Variants in RPA2 observed in about 807,000 individuals in gnomAD.
RPA2 encodes replication protein A2.
A neutral mutation model predicts 33.4 loss-of-function variants in RPA2; 22 were observed. The ratio of observed to expected loss-of-function variants is 0.66; its 90% CI spans 0.47 to 0.94. The LOEUF is 0.94. Among genes scored for constraint, RPA2 ranks in the 40% least tolerant of loss-of-function variants. The pLI, the probability that RPA2 is intolerant of heterozygous loss-of-function variation, is 0.00. For synonymous variants in RPA2, 109 were observed against 114.9 expected (o/e 0.95, Z 0.33); for missense variants, 279 against 329.9 (o/e 0.85, Z 1.19).
rs777645971 is a variant in RPA2 at position 27,896,997 on chromosome 1, C to A, written c.525+8G>T. On this transcript the variant is annotated splice_region_variant and intron_variant, in intron 6 of 8. Transcript: ENST00000373912. ...AAGAGAAAAAGCTAGGAAAGCGAGA[C>A]TACTCACCTGGCTGTTGGCTTTGCT... is the stretch of plus-strand genomic sequence containing the variant. 1 of 1,591,094 alleles carries A rather than the reference C, an allele frequency of 6.3e-7. No individual in the cohort carries two copies. The highest frequency in any genetic ancestry group is 1.7e-5 in the Admixed American group (1 of 58,484).
Position 27,914,470 on chromosome 1 carries a change from C to A in RPA2, c.-27G>T. On this transcript the variant is annotated 5_prime_UTR_variant, in exon 1 of 9. Coordinates refer to ENST00000373912, the MANE Select transcript of RPA2 (RefSeq NM_002946.5). ...TTGGTCACGATTCTCCGCAAAGAGG[C>A]CGAGAAGGTGCGGGTCTGGGGGAAT... is the stretch of plus-strand genomic sequence containing the variant. The A allele has an allele frequency of 6.3e-7, 1 of 1,589,560 alleles. No homozygotes were observed. Among genetic ancestry groups the A allele is most frequent in the Non-Finnish European group, 8.6e-7 (1 of 1,167,134 alleles).
At chr1:27,907,372 T>C (rs2090042925) in intron 2 of RPA2, 90 bp from the exon 3 acceptor site, 2 of 1,005,818 alleles carry the variant, frequency 2.0e-6, no homozygotes, top group Non-Finnish European at 3.0e-6. Flanking sequence ...TTTAAATATA[T>C]TAGAACATTG....
At chr1:27,893,503 G>A (rs1013927286) in intron 8 of RPA2, among the ~76,000 whole-genome samples, 5 of 152,040 alleles carry the variant, frequency 3.3e-5, no homozygotes, top group African/African-American at 4.8e-5. Flanking sequence ...AGAGACAAGC[G>A]TTTCGCCACG....
At chr1:27,900,383 A>G (rs2089953610) in intron 4 of RPA2, among the ~76,000 whole-genome samples, 2 of 151,928 alleles carry the variant, frequency 1.3e-5, no homozygotes, top group African/African-American at 4.8e-5. Flanking sequence ...AAGTGCTGAG[A>G]TTACACGCAT....
Position 27,899,397 on chromosome 1 carries a change from C to T in RPA2, c.334-1690G>A, listed in dbSNP as rs1403460863. The stretch of plus-strand genomic sequence containing the variant: ...GTGGGTGCCTGTAGTCCCAGCTACT[C>T]GGGAGGCTGAGGCAGGAGAATCACT... On this transcript the variant is annotated intron_variant, in intron 4 of 8. Transcript: ENST00000373912. Among the ~76,000 whole-genome samples the T allele has an allele frequency of 4.1e-5, 6 of 147,838 alleles. No individual in the cohort carries two copies. The Admixed American group carries it at 4.1e-4, about 10-fold the overall frequency.
At chr1:27,912,093 CA>C (rs34358254) in intron 2 of RPA2, among the ~76,000 whole-genome samples, 68,727 of 143,932 alleles carry the variant, frequency 0.48, 16,673 homozygotes, top group African/African-American at 0.65. Flanking sequence ...GACTCTGTCT[CA>C]AAAAAAAAAA....
At position 27,894,410 on chromosome 1, in the gene RPA2, A is replaced by G; in HGVS notation, c.526-13T>C. On this transcript the variant is annotated splice_polypyrimidine_tract_variant and intron_variant, in intron 6 of 8. Coordinates refer to ENST00000373912, the MANE Select transcript of RPA2 (RefSeq NM_002946.5). ...TCCCTGCTGAGGGCTGAATTAAGAAATAAGTTAGCAATATTAGAAAATCCA... is the reference window on the plus strand; with the variant it reads ...TCCCTGCTGAGGGCTGAATTAAGAAGTAAGTTAGCAATATTAGAAAATCCA... The G allele has an allele frequency of 1.3e-6, 2 of 1,599,338 alleles. No individual in the cohort carries two copies. The highest frequency in any genetic ancestry group is 2.2e-5 in the South Asian group (2 of 90,044).
In RPA2 at chr1:27,891,912, C is replaced by T. The variant is rs1041731805; in HGVS notation, c.*251G>A. On this transcript the variant is annotated 3_prime_UTR_variant, in exon 9 of 9. Coordinates refer to ENST00000373912, the MANE Select transcript of RPA2 (RefSeq NM_002946.5). ...CCATCTATCTTGATGTTGTAACAAG[C>T]TTATTTGTAACTTCCTCAAGAAATC... 6.6e-6 allele frequency: 3 copies of T among 456,954 alleles called. No individual in the cohort carries two copies. Among genetic ancestry groups the T allele is most frequent in the Admixed American group, 7.0e-5 (2 of 28,556 alleles). 28.3% of individuals were successfully genotyped at this position (456,954 alleles called of 1,614,324 possible). A position where few individuals can be genotyped will look rare whatever the true frequency, so the allele number is the denominator to read the frequency against.
At chr1:27,895,346 C>T (rs1254106860) in intron 6 of RPA2, among the ~76,000 whole-genome samples, 4 of 152,164 alleles carry the variant, frequency 2.6e-5, no homozygotes, top group Non-Finnish European at 4.4e-5. Context: ...TGCTTGAACC[C>T]GAGAGGCGGA....
At position 27,914,164 on chromosome 1, in the gene RPA2, A is replaced by G; in HGVS notation, c.16T>C (p.Phe6Leu). MWNSG[F>L]ESYGSSSYGG... Reference sequence around the variant, plus strand: ...TATGAGGAGCTGCCATAGCTTTCGAATCCACCTGTTTTGAACAACAGGATT... The same window carrying G: ...TATGAGGAGCTGCCATAGCTTTCGAGTCCACCTGTTTTGAACAACAGGATT... Residue 6 changes from phenylalanine to leucine, a missense_variant, in exon 2 of 9, where the codon TTC becomes CTC. By Grantham distance (22) the Phe-to-Leu change is conservative. Transcript: ENST00000373912. The G allele has an allele frequency of 6.2e-7, 1 of 1,613,724 alleles. No individual in the cohort carries two copies. The highest frequency in any genetic ancestry group is 2.2e-5 in the East Asian group (1 of 44,844).
chr1:27,910,632 G>A (rs952625719), intron 2 of RPA2, among the ~76,000 whole-genome samples: 34 of 152,278 alleles, frequency 2.2e-4, no homozygotes, highest in East Asian at 1.9e-4. Flanking sequence ...AAATTGGGTC[G>A]CTATTTGAAA....
At chr1:27,911,458 T>C (rs542872750) in intron 2 of RPA2, among the ~76,000 whole-genome samples, 1 of 152,316 alleles carries the variant, frequency 6.6e-6, no homozygotes, top group African/African-American at 2.4e-5. Context: ...TTAGGAATTC[T>C]GAGATAAAAA....
chr1:27,910,364 A>G (rs537068436), intron 2 of RPA2, among the ~76,000 whole-genome samples: 5 of 152,378 alleles, frequency 3.3e-5, no homozygotes, highest in African/African-American at 9.6e-5. Context: ...TATAGGTAAC[A>G]GTTGAGATGT....
At position 27,895,512 on chromosome 1, in the gene RPA2, G is replaced by A. The variant is rs28905178; in HGVS notation, c.526-1115C>T. 3.3e-3 allele frequency among the ~76,000 whole-genome samples: 507 copies of A among 152,108 alleles called. 1 individual carries two copies. Among genetic ancestry groups the A allele is most frequent in the Non-Finnish European group, 5.7e-3 (385 of 67,992 alleles). On this transcript the variant is annotated intron_variant, in intron 6 of 8. Transcript: ENST00000373912. ...GGGCAGATCACGAGGTCAGGAGATC[G>A]AGATCATCCTGGCTAACACGGTGAA... is the stretch of plus-strand genomic sequence containing the variant.
chr1:27,894,428 A>T (rs767049880), intron 6 of RPA2, 31 bp from the exon 7 acceptor site: 1 of 1,576,212 alleles, frequency 6.3e-7, no homozygotes, highest in East Asian at 2.2e-5. Flanking sequence ...GCAATATTAG[A>T]AAATCCATCA....
intron 2 of RPA2, among the ~76,000 whole-genome samples, chr1:27,912,393 A>C (rs1231258980): frequency 3.3e-5 from 5 of 151,726 alleles, no homozygotes; most frequent in African/African-American, 7.2e-5. Context: ...AAAAAAAAAA[A>C]CACAAAAATT....
intron 4 of RPA2, among the ~76,000 whole-genome samples, chr1:27,906,282 G>T (rs1299896554): frequency 1.3e-5 from 2 of 149,018 alleles, no homozygotes; most frequent in Non-Finnish European, 3.0e-5. Context: ...CAGGAGAACT[G>T]CTTGAACCTG....
chr1:27,892,667 T>C (rs1370241449), intron 8 of RPA2, among the ~76,000 whole-genome samples: 1 of 152,148 alleles, frequency 6.6e-6, no homozygotes, highest in Non-Finnish European at 1.5e-5. Context: ...AGTAAAGTTG[T>C]GGGAAGCAAA....
chr1:27,909,147 TGA>T (rs1456587881), intron 2 of RPA2, among the ~76,000 whole-genome samples: 2 of 152,158 alleles, frequency 1.3e-5, no homozygotes, highest in Non-Finnish European at 2.9e-5. Context: ...ACAAAAACGA[TGA>T]GAGCTCTTCC....
Sources: allele counts gnomAD v4.1 joint callset (sites outside exome capture counted in the v4.1 genomes callset), GRCh38; gene constraint gnomAD v4.1.1; transcripts MANE v1.5; gene names NCBI Gene and HGNC (gene_info 2026-07-23, HGNC 2026-07-21).